RPH3AL: variants seen among roughly 807,000 people sequenced by gnomAD.
The protein encoded by RPH3AL is rabphilin 3A like (without C2 domains).
A neutral mutation model predicts 43.1 loss-of-function variants in RPH3AL; 38 were observed. That is an observed-to-expected ratio of 0.88 (90% CI 0.68 to 1.15). The LOEUF is 1.15. RPH3AL is among the 50% of genes most tolerant of loss of function. The pLI is 0.00. For synonymous variants in RPH3AL, 189 were observed against 176.3 expected, an observed-to-expected ratio of 1.07 and a Z score of -0.57; for missense variants, 462 against 423.2, an observed-to-expected ratio of 1.09 and a Z score of -0.81.
chr17:240,638 T>C (rs9908467), intron 7 of RPH3AL, among the ~76,000 whole-genome samples: 96,389 of 152,120 alleles, frequency 0.63, 30,863 homozygotes, highest in South Asian at 0.73. Flanking sequence ...TTTCTTCCTA[T>C]GACTGAATAA....
chr17:278,356 A>T (rs1423296814), intron 6 of RPH3AL, among the ~76,000 whole-genome samples: 2 of 152,110 alleles, frequency 1.3e-5, no homozygotes, highest in Non-Finnish European at 2.9e-5. Flanking sequence ...TCTTCCCTTT[A>T]GTACCCAGTC....
At chr17:339,319 C>T (rs2151727416) in intron 1 of RPH3AL, among the ~76,000 whole-genome samples, 1 of 152,360 alleles carries the variant, frequency 6.6e-6, no homozygotes, top group Non-Finnish European at 1.5e-5. Context: ...GGGGCCACCC[C>T]AGAACATGGC....
At chr17:298,267 C>T (rs1357156442) in intron 5 of RPH3AL, among the ~76,000 whole-genome samples, 1 of 152,130 alleles carries the variant, frequency 6.6e-6, no homozygotes, top group African/African-American at 2.4e-5. Flanking sequence ...CAGTAGCCCT[C>T]CCCCGACCCC....
intron 2 of RPH3AL, among the ~76,000 whole-genome samples, chr17:329,113 G>A (rs912324437): frequency 6.6e-6 from 1 of 151,974 alleles, no homozygotes; most frequent in African/African-American, 2.4e-5. Context: ...TTAAAAGTGT[G>A]AATTTTATGG....
At chr17:292,718 G>A (rs150971888) in intron 5 of RPH3AL, among the ~76,000 whole-genome samples, 176 of 152,234 alleles carry the variant, frequency 1.2e-3, no homozygotes, top group African/African-American at 3.9e-3. Context: ...TGGATCCCTG[G>A]GCCCTCTCCT....
intron 5 of RPH3AL, among the ~76,000 whole-genome samples, chr17:288,910 A>G (rs1156383898): frequency 6.9e-6 from 1 of 144,584 alleles, no homozygotes; most frequent in Non-Finnish European, 1.5e-5. Flanking sequence ...CCACCGTCAG[A>G]CCTCACTCCC....
intron 5 of RPH3AL, among the ~76,000 whole-genome samples, chr17:304,971 G>C (rs1190035177): frequency 1.5e-3 from 64 of 43,950 alleles, no homozygotes; most frequent in South Asian, 3.1e-3. Context: ...GCGAGAGGGG[G>C]ACAGGGCGGG....
At chr17:251,221 T>C (rs1555542438) in intron 6 of RPH3AL, among the ~76,000 whole-genome samples, 1 of 152,210 alleles carries the variant, frequency 6.6e-6, no homozygotes, top group Non-Finnish European at 1.5e-5. Flanking sequence ...TCTGGTGGGA[T>C]GGGTGCTTCA....
intron 6 of RPH3AL, among the ~76,000 whole-genome samples, chr17:276,694 C>T (rs1236620653): frequency 6.6e-6 from 1 of 152,130 alleles, no homozygotes; most frequent in Non-Finnish European, 1.5e-5. Flanking sequence ...TACCTGGCCT[C>T]TCTTATATCT....
rs187350464 is a variant in RPH3AL, at chr17:349,996, T to C, written c.-213+2716A>G. Among the ~76,000 whole-genome samples, 24 of 152,340 alleles carry C rather than the reference T, an allele frequency of 1.6e-4. No homozygotes were observed. In the East Asian group the frequency reaches 4.4e-3, roughly 28 times the overall value. Reference sequence around the variant, plus strand: ...AATTAGATTCCTCCAAGTTAAATAGTGTGTCCACAGTCTCACTACTGCAGA... The same window carrying C: ...AATTAGATTCCTCCAAGTTAAATAGCGTGTCCACAGTCTCACTACTGCAGA... On this transcript the variant is annotated intron_variant, in intron 1 of 9. Coordinates refer to ENST00000331302, the MANE Select transcript of RPH3AL (RefSeq NM_006987.4).
At chr17:244,999 T>C (rs1328296417) in intron 7 of RPH3AL, among the ~76,000 whole-genome samples, 3 of 152,156 alleles carry the variant, frequency 2.0e-5, no homozygotes, top group Admixed American at 6.6e-5. Context: ...TGTATGCATG[T>C]GGATATGAGT....
chr17:301,806 T>C (rs2043335899), intron 5 of RPH3AL, among the ~76,000 whole-genome samples: 1 of 152,054 alleles, frequency 6.6e-6, no homozygotes, highest in African/African-American at 2.4e-5. Flanking sequence ...ACCCGAGCCG[T>C]AGGAGTCATT....
chr17:233,357 G>C (rs1423890749), intron 7 of RPH3AL, among the ~76,000 whole-genome samples: 1 of 152,144 alleles, frequency 6.6e-6, no homozygotes, highest in African/African-American at 2.4e-5. Context: ...TACTCATGGG[G>C]AAACCAACAC....
At chr17:216,684 A>C (rs2040811468) in intron 8 of RPH3AL, among the ~76,000 whole-genome samples, 1 of 152,030 alleles carries the variant, frequency 6.6e-6, no homozygotes. Context: ...TTTTCTCTAG[A>C]ATCTTCAGCC....
intron 6 of RPH3AL, among the ~76,000 whole-genome samples, chr17:279,949 T>C (rs1044857099): frequency 2.0e-5 from 3 of 152,206 alleles, no homozygotes; most frequent in Non-Finnish European, 4.4e-5. Context: ...TAACTCCATC[T>C]GGGGATGAGG....
rs1300457715 is a variant in RPH3AL, at chr17:274,607, C to T, written c.438+7161G>A. ...AGGAGACAGCATAAGCCAGGGGCTG[C>T]GGTCCCTCGTCCTCCCTGGTTCCGA... On this transcript the variant is annotated intron_variant, in intron 6 of 9. Coordinates refer to ENST00000331302, the MANE Select transcript of RPH3AL (RefSeq NM_006987.4). This position sits in a 1 kb window ranked among gnomAD's most constrained non-coding sequence, Gnocchi z 4.7. 6.6e-6 allele frequency among the ~76,000 whole-genome samples: 1 copy of T among 152,136 alleles called. No homozygotes were observed. Among genetic ancestry groups the T allele is most frequent in the Non-Finnish European group, 1.5e-5 (1 of 68,022 alleles).
intron 1 of RPH3AL, among the ~76,000 whole-genome samples, chr17:340,489 C>G (rs1364837053): frequency 0.15 from 2,688 of 17,712 alleles, 889 homozygotes; most frequent in South Asian, 0.24. Context: ...CCCACCCAGG[C>G]CTCCCCACGT....
At chr17:314,985 C>A (rs2043884020) in intron 5 of RPH3AL, among the ~76,000 whole-genome samples, 1 of 18,572 alleles carries the variant, frequency 5.4e-5, no homozygotes, top group Admixed American at 6.4e-4. Flanking sequence ...TCCCTGTGCC[C>A]CACCTCCATT....
chr17:273,056 C>T, intron 6 of RPH3AL, among the ~76,000 whole-genome samples: 1 of 146,284 alleles, frequency 6.8e-6, no homozygotes, highest in Admixed American at 6.8e-5. Flanking sequence ...CAGGGAGAGA[C>T]CCCAGCGAGG....
Sources: gnomAD v4.1 joint callset for allele counts (sites outside exome capture counted in the v4.1 genomes callset) on GRCh38, gnomAD v4.1.1 for gene constraint, Gnocchi (gnomAD v3.1) non-coding constraint, MANE v1.5 for transcripts, NCBI Gene and HGNC (gene_info 2026-07-23, HGNC 2026-07-21) for gene names.